Variants in PTK2B observed in about 807,000 individuals in gnomAD.
PTK2B encodes the protein protein tyrosine kinase 2 beta.
In PTK2B, 71 loss-of-function variants were observed where a neutral mutation model predicts 142.9. That is an observed-to-expected ratio of 0.50 (90% CI 0.41 to 0.61). The LOEUF (loss-of-function observed/expected upper bound fraction) is 0.61. Ranked by LOEUF, PTK2B falls within the 20% of genes least tolerant of loss-of-function variation. The pLI is 0.00. For missense variants in PTK2B, 1,105 were observed against 1,320.4 expected (o/e 0.84, Z 2.53); for synonymous variants, 519 against 503.4 (o/e 1.03, Z -0.42).
At position 27,450,969 on chromosome 8, in the gene PTK2B, C is replaced by A. The variant is rs944164787; in HGVS notation, c.2487+74C>A. On this transcript the variant is annotated intron_variant, in intron 25 of 30. Coordinates refer to ENST00000346049, the MANE Select transcript of PTK2B (RefSeq NM_173176.3). ...CTTCCACCTCCCCAGGTGGCTGGGG[C>A]AAGGGTCCCCTGCATTCTTGGTGCT... 1.2e-5 allele frequency: 19 copies of A among 1,610,730 alleles called. No homozygotes were observed. The African/African-American group carries it at 2.1e-4, about 18-fold the overall frequency.
At chr8:27,401,281 G>A (rs932569735) in intron 2 of PTK2B, among the ~76,000 whole-genome samples, 2 of 143,012 alleles carry the variant, frequency 1.4e-5, no homozygotes, top group African/African-American at 5.0e-5. Context: ...AGAACCAGGA[G>A]AACAGAATCT....
intron 2 of PTK2B, among the ~76,000 whole-genome samples, chr8:27,401,644 T>C (rs947122995): frequency 2.0e-5 from 3 of 152,256 alleles, no homozygotes; most frequent in African/African-American, 7.2e-5. Flanking sequence ...AAAGTTTGGC[T>C]ATTTAAACCA....
intron 3 of PTK2B, among the ~76,000 whole-genome samples, chr8:27,314,420 C>CA (rs1294018019): frequency 1.3e-5 from 2 of 152,274 alleles, no homozygotes; most frequent in East Asian, 1.9e-4. Context: ...CCCGTCTCTA[C>CA]AAAAAATACA....
intron 1 of PTK2B, among the ~76,000 whole-genome samples, chr8:27,367,261 TC>T (rs1299538310): frequency 5.3e-5 from 8 of 152,198 alleles, no homozygotes; most frequent in African/African-American, 1.9e-4. Flanking sequence ...CCAGTGGCCA[TC>T]CTGGTTTTGG....
intron 1 of PTK2B, among the ~76,000 whole-genome samples, chr8:27,393,849 G>A (rs960166994): frequency 6.6e-6 from 1 of 151,908 alleles, no homozygotes; most frequent in African/African-American, 2.4e-5. Context: ...CATCATGATC[G>A]CCAAAGATGT....
chr8:27,389,642 A>C (rs1351328826), intron 1 of PTK2B, among the ~76,000 whole-genome samples: 1 of 152,248 alleles, frequency 6.6e-6, no homozygotes, highest in East Asian at 1.9e-4. Flanking sequence ...GGGGAGCTGA[A>C]AACGTGGTAA....
intron 1 of PTK2B, among the ~76,000 whole-genome samples, chr8:27,351,865 C>G (rs924995904): frequency 5.9e-5 from 9 of 152,222 alleles, no homozygotes; most frequent in African/African-American, 1.9e-4. Flanking sequence ...ACTTTCGTAA[C>G]CCACTTCCCA....
upstream of PTK2B, chr8:27,311,111 CGGCAGAAGTTGTGGCCGCAGCGCAGAGT>C: frequency 6.3e-7 from 1 of 1,599,752 alleles, no homozygotes; most frequent in Middle Eastern, 1.7e-4. Context: ...CACGCACCCG[CGGCAGAAGTTGTGGCCGCAGCGCAGAGT>C]GACTGCGTCG....
At chr8:27,432,676 G>C (rs766057045) in intron 10 of PTK2B, among the ~76,000 whole-genome samples, 28 of 152,074 alleles carry the variant, frequency 1.8e-4, no homozygotes, top group Non-Finnish European at 2.8e-4. Context: ...AGAGAACAAG[G>C]ATGCGGACAT....
chr8:27,454,323 G>A (rs1160452162), intron 29 of PTK2B, 32 bp downstream of exon 29: 4 of 1,602,790 alleles, frequency 2.5e-6, no homozygotes, highest in Admixed American at 3.4e-5. Context: ...GGAGGTGGAG[G>A]CGGCTCAAGT....
intron 1 of PTK2B, among the ~76,000 whole-genome samples, chr8:27,394,360 C>T (rs1267530094): frequency 1.3e-5 from 2 of 152,208 alleles, no homozygotes; most frequent in African/African-American, 4.8e-5. Context: ...CAACCCTATA[C>T]AGCAAGTTAC....
intron 13 of PTK2B, 38 bp from the exon 14 acceptor site, chr8:27,435,705 C>T: frequency 6.2e-7 from 1 of 1,611,788 alleles, no homozygotes; most frequent in Non-Finnish European, 8.5e-7. Flanking sequence ...CCACCAAGGG[C>T]ATCTTGTCCA....
At chr8:27,370,246 G>A (rs1806269286) in intron 1 of PTK2B, among the ~76,000 whole-genome samples, 1 of 152,224 alleles carries the variant, frequency 6.6e-6, no homozygotes, top group Admixed American at 6.5e-5. Context: ...CTTGGACAAA[G>A]CAGATGTGCA....
intron 1 of PTK2B, among the ~76,000 whole-genome samples, chr8:27,365,913 G>A (rs904913445): frequency 1.3e-5 from 2 of 152,128 alleles, no homozygotes; most frequent in Non-Finnish European, 2.9e-5. Flanking sequence ...AAGGACTTCG[G>A]ACTTAGCCAG....
At chr8:27,438,553 C>T (rs377278978) in intron 18 of PTK2B, among the ~76,000 whole-genome samples, 17 of 50,286 alleles carry the variant, frequency 3.4e-4, no homozygotes, top group African/African-American at 1.6e-3. Flanking sequence ...TCCTGCTATA[C>T]CAAAGACCTA....
chr8:27,390,038 G>A lies in PTK2B; in HGVS notation c.-37-7510G>A, dbSNP rs145887356. 1.4e-4 allele frequency among the ~76,000 whole-genome samples: 22 copies of A among 152,324 alleles called. No homozygotes were observed. In the East Asian group the frequency reaches 1.9e-3, roughly 13 times the overall value. On this transcript the variant is annotated intron_variant, in intron 1 of 30. Transcript: ENST00000346049. Reference sequence around the variant, plus strand: ...CAGCAAGGGGAAGTGATTCAGAGGCGGAGTGGAAATAAAGTGTGTGTCTCG... The same window carrying A: ...CAGCAAGGGGAAGTGATTCAGAGGCAGAGTGGAAATAAAGTGTGTGTCTCG...
Position 27,435,856 on chromosome 8 carries a change from C to A in PTK2B, c.1243+63C>A, listed in dbSNP as rs181635449. On this transcript the variant is annotated intron_variant, in intron 14 of 30. Coordinates refer to ENST00000346049, the MANE Select transcript of PTK2B (RefSeq NM_173176.3). ...GCCCTGTGAAATGACATGGCAAGGA[C>A]TCTGGTGACACCACAGGGAACATTC... The A allele has an allele frequency of 9.1e-6, 14 of 1,537,962 alleles. No homozygotes were observed. The Admixed American group carries it at 2.2e-4, about 24-fold the overall frequency.
At chr8:27,416,197 T>C (rs1809393650) in intron 2 of PTK2B, among the ~76,000 whole-genome samples, 1 of 152,266 alleles carries the variant, frequency 6.6e-6, no homozygotes, top group Non-Finnish European at 1.5e-5. Context: ...CTAACATTTA[T>C]GTGGACATGC....
intron 1 of PTK2B, among the ~76,000 whole-genome samples, chr8:27,391,832 C>T (rs1483193396): frequency 1.3e-5 from 2 of 152,194 alleles, no homozygotes; most frequent in Non-Finnish European, 2.9e-5. Flanking sequence ...TTAATTTGAG[C>T]CCATTTCTTG....
Sources: gnomAD v4.1 joint callset for allele counts (sites outside exome capture counted in the v4.1 genomes callset) on GRCh38, gnomAD v4.1.1 for gene constraint, MANE v1.5 for transcripts, NCBI Gene and HGNC (gene_info 2026-07-23, HGNC 2026-07-21) for gene names.